Variants in ASB15 observed in about 807,000 individuals in gnomAD.
ASB15 encodes ankyrin repeat and SOCS box containing 15, also known as ankyrin repeat and SOCS box protein 15.
Under a neutral mutation model 58.0 loss-of-function variants are expected in ASB15, and 54 were observed. That is an observed-to-expected ratio of 0.93 (90% CI 0.75 to 1.17). The LOEUF is 1.17. Among genes scored for constraint, ASB15 ranks in the 50% most tolerant of loss-of-function variants. The pLI, the probability that ASB15 is intolerant of heterozygous loss-of-function variation, is 0.00. For missense variants in ASB15, 680 were observed against 707.4 expected (o/e 0.96, Z 0.44); for synonymous variants, 249 against 262.4 (o/e 0.95, Z 0.50).
At position 123,572,666 on chromosome 7, in the gene ASB15, T is replaced by A. The variant is rs74989260; in HGVS notation, c.-443+5578T>A. ...CTGATATTATTACCCCACGGTTTTT[T>A]GTTTTTGTTAAACATTTTCTTAATA... On this transcript the variant is annotated intron_variant, in intron 1 of 13. Transcript: ENST00000451558. Among the ~76,000 whole-genome samples the A allele has an allele frequency of 8.4e-3, 1,273 of 152,142 alleles. 18 individuals carry two copies. Among genetic ancestry groups the A allele is most frequent in the African/African-American group, 0.029 (1,190 of 41,548 alleles).
At chr7:123,568,423 G>A (rs1269072697) in intron 1 of ASB15, among the ~76,000 whole-genome samples, 1 of 151,746 alleles carries the variant, frequency 6.6e-6, no homozygotes, top group South Asian at 2.1e-4. Context: ...GGGAGGCTGA[G>A]ACAGGAGAAT....
chr7:123,591,390 G>A (rs951840827), intron 1 of ASB15, among the ~76,000 whole-genome samples: 1 of 152,154 alleles, frequency 6.6e-6, no homozygotes, highest in Non-Finnish European at 1.5e-5. Flanking sequence ...TTTTCAAAAG[G>A]AATGCTTCCA....
chr7:123,608,796 T>C (rs990734660), intron 3 of ASB15, 142 bp downstream of exon 3: 1 of 152,174 alleles, frequency 6.6e-6, no homozygotes, highest in African/African-American at 2.4e-5. Context: ...CTTTGTGCTA[T>C]GCAATTCTTT....
At chr7:123,615,614 A>C (rs559801081) in intron 4 of ASB15, 10 of 152,378 alleles carry the variant, frequency 6.6e-5, no homozygotes, top group African/African-American at 1.9e-4. Flanking sequence ...ATGAGGGTTT[A>C]AATCATGACC....
chr7:123,604,363 C>T (rs1022322324), intron 2 of ASB15, among the ~76,000 whole-genome samples, 151 bp downstream of exon 2: 1 of 152,016 alleles, frequency 6.6e-6, no homozygotes, highest in South Asian at 2.1e-4. Flanking sequence ...GGGAGAATCA[C>T]CTGAGGTCAG....
intron 1 of ASB15, among the ~76,000 whole-genome samples, chr7:123,576,421 T>C (rs1439658877): frequency 6.6e-6 from 1 of 152,180 alleles, no homozygotes; most frequent in East Asian, 1.9e-4. Flanking sequence ...CATGTGTGTG[T>C]GATTCATACG....
At chr7:123,572,983 A>G (rs1404132455) in intron 1 of ASB15, among the ~76,000 whole-genome samples, 2 of 151,988 alleles carry the variant, frequency 1.3e-5, no homozygotes, top group East Asian at 3.9e-4. Flanking sequence ...ATGGTGACCT[A>G]TCAAATTTTA....
In ASB15 at chr7:123,624,638, G is replaced by T; in HGVS notation, c.521G>T (p.Cys174Phe). 1 of 1,614,018 alleles carries T rather than the reference G, an allele frequency of 6.2e-7. No homozygotes were observed. Among genetic ancestry groups the T allele is most frequent in the Non-Finnish European group, 8.5e-7 (1 of 1,179,904 alleles). The part of the protein sequence containing the change: ...IKHNTSLDQP[C>F]VKRWSAMHEA... ...CATAACACTAGCCTAGACCAGCCCT[G>T]TGTCAAGCGATGGTCAGCAATGCAT... The change falls in exon 8 of 12, where the codon TGT (cysteine) becomes TTT (phenylalanine). Residue 174 changes from cysteine to phenylalanine, a missense_variant. By Grantham distance (205) the Cys-to-Phe change is radical. Transcript: ENST00000451215.
chr7:123,584,427 G>T (rs1324869943), intron 1 of ASB15, among the ~76,000 whole-genome samples: 2 of 151,806 alleles, frequency 1.3e-5, no homozygotes, highest in Non-Finnish European at 2.9e-5. Context: ...AGCTCCCCAG[G>T]TGATTCCAAT....
At chr7:123,629,473 C>A in intron 10 of ASB15, 39 bp downstream of exon 10, 2 of 1,448,860 alleles carry the variant, frequency 1.4e-6, no homozygotes, top group Non-Finnish European at 1.9e-6. Context: ...GAGTTATCAT[C>A]CTAATTTAAT....
chr7:123,576,497 T>C (rs949386797), intron 1 of ASB15, among the ~76,000 whole-genome samples: 1 of 152,180 alleles, frequency 6.6e-6, no homozygotes, highest in African/African-American at 2.4e-5. Context: ...AGGAATTTCA[T>C]GTTTATTTCT....
At chr7:123,598,069 A>G (rs1178825212), upstream of ASB15, among the ~76,000 whole-genome samples, 1 of 151,952 alleles carries the variant, frequency 6.6e-6, no homozygotes, top group East Asian at 1.9e-4. Flanking sequence ...TGTCCCACCC[A>G]TCATGACACT....
At position 123,609,473 on chromosome 7, in the gene ASB15, A is replaced by G; in HGVS notation, c.-3+819A>G. Among the ~76,000 whole-genome samples, 2 of 152,164 alleles carry G rather than the reference A, an allele frequency of 1.3e-5. 1 individual carries two copies. The highest frequency in any genetic ancestry group is 2.9e-5 in the Non-Finnish European group (2 of 68,018). ...CACTGATGTGACAGGTGCTGGGGGC[A>G]GTGTGTTATTTATAGACACAGAGCC... On this transcript the variant is annotated intron_variant, in intron 3 of 11. Transcript: ENST00000451215.
intron 9 of ASB15, among the ~76,000 whole-genome samples, chr7:123,628,415 AGTT>A (rs1801931675): frequency 6.6e-6 from 1 of 152,216 alleles, no homozygotes; most frequent in South Asian, 2.1e-4. Context: ...TAAATGAAGC[AGTT>A]GGACTGAATG....
chr7:123,574,515 T>A (rs1288090408), intron 1 of ASB15, among the ~76,000 whole-genome samples: 1 of 152,170 alleles, frequency 6.6e-6, no homozygotes, highest in Non-Finnish European at 1.5e-5. Context: ...GATAGTGGGC[T>A]GTGAACCACA....
chr7:123,620,523 TATATATATATATATATATATATATA>T (rs1801188319), intron 7 of ASB15, among the ~76,000 whole-genome samples: 2 of 13,500 alleles, frequency 1.5e-4, no homozygotes, highest in Non-Finnish European at 1.7e-4. Context: ...TATATATATA[TATATATATATATATATATATATATA>T]TATATATTTT....
At position 123,638,983 on chromosome 7, in the gene ASB15, T is replaced by C. The variant is rs1410736910; in HGVS notation, c.*2002T>C. 1.3e-5 allele frequency: 2 copies of C among 152,234 alleles called. No individual in the cohort carries two copies. The highest frequency in any genetic ancestry group is 6.5e-5 in the Admixed American group (1 of 15,292). The allele number at this position is 152,234 out of a possible 1,614,324, so 9.4% of individuals were successfully genotyped here. On this transcript the variant is annotated 3_prime_UTR_variant, in exon 12 of 12. Transcript: ENST00000451215. ...AGTTCAATAATTGTTTGTTGAAATATATTGAATAAGTGACAAAAATAATCA... is the reference window on the plus strand; with the variant it reads ...AGTTCAATAATTGTTTGTTGAAATACATTGAATAAGTGACAAAAATAATCA...
Position 123,629,112 on chromosome 7 carries a change from G to T in ASB15, c.1118G>T (p.Gly373Val), listed in dbSNP as rs895691841. ...TGCACAGAAGTCCTTCTGGCTGCAG[G>T]TGCAGACCCAAACTTAGATCCCCTC... ...VHCTEVLLAA[G>V]ADPNLDPLNC... Residue 373 changes from glycine to valine, a missense_variant, in exon 10 of 12, where the codon GGT (glycine) becomes GTT (valine). Gly to Val is a moderately radical substitution (Grantham distance 109, BLOSUM62 -3). Coordinates refer to ENST00000451215, the MANE Select transcript of ASB15 (RefSeq NM_001290258.2). 1.2e-5 allele frequency: 19 copies of T among 1,614,090 alleles called. No homozygotes were observed. Among genetic ancestry groups the T allele is most frequent in the Non-Finnish European group, 1.1e-5 (13 of 1,179,976 alleles).
intron 1 of ASB15, among the ~76,000 whole-genome samples, chr7:123,571,225 C>G (rs1434549860): frequency 2.0e-5 from 3 of 152,154 alleles, no homozygotes; most frequent in Non-Finnish European, 2.9e-5. Context: ...ATTGGGAGCA[C>G]TTTATCAAAC....
Sources: allele counts gnomAD v4.1 joint callset (sites outside exome capture counted in the v4.1 genomes callset), GRCh38; gene constraint gnomAD v4.1.1; transcripts MANE v1.5; gene names NCBI Gene and HGNC (gene_info 2026-07-23, HGNC 2026-07-21).